The following C8orf34 variants were observed in gnomAD, a reference collection of about 807,000 sequenced individuals.
C8orf34 encodes chromosome 8 open reading frame 34.
C8orf34 carries 65 observed loss-of-function variants against 68.3 expected under a neutral mutation model. That is an observed-to-expected ratio of 0.95 (90% CI 0.78 to 1.17). C8orf34 has a LOEUF of 1.17. Ranked by LOEUF, C8orf34 falls within the 50% of genes most tolerant of loss-of-function variation. The probability of loss-of-function intolerance (pLI) is 0.00; values close to 1 mark genes in which losing one functional copy is unlikely to be tolerated. For missense variants in C8orf34, 664 were observed against 655.4 expected, an observed-to-expected ratio of 1.01 and a Z score of -0.14; for synonymous variants, 244 against 241.2, an observed-to-expected ratio of 1.01 and a Z score of -0.11.
At chr8:68,370,423 A>C (rs1807508865) in intron 1 of C8orf34, among the ~76,000 whole-genome samples, 6 of 152,200 alleles carry the variant, frequency 3.9e-5, no homozygotes, top group Admixed American at 3.9e-4. Context: ...AGCCAATCCC[A>C]GTGGCAACAT....
chr8:68,773,376 C>T (rs1823409141), intron 10 of C8orf34, among the ~76,000 whole-genome samples: 1 of 152,078 alleles, frequency 6.6e-6, no homozygotes, highest in East Asian at 1.9e-4. Flanking sequence ...GTATTTTCCT[C>T]CAAGAATCTT....
At chr8:68,541,382 C>A (rs967321015) in intron 7 of C8orf34, among the ~76,000 whole-genome samples, 1 of 151,806 alleles carries the variant, frequency 6.6e-6, no homozygotes, top group Non-Finnish European at 1.5e-5. Context: ...GAGAGGATCA[C>A]TTGAGCCCAG....
intron 8 of C8orf34, among the ~76,000 whole-genome samples, chr8:68,690,303 G>T (rs1372506858): frequency 6.6e-6 from 1 of 151,922 alleles, no homozygotes; most frequent in African/African-American, 2.4e-5. Flanking sequence ...GAATTTTTCA[G>T]CTGGACATCA....
intron 3 of C8orf34, among the ~76,000 whole-genome samples, chr8:68,454,542 A>G (rs952256882): frequency 6.6e-6 from 1 of 152,042 alleles, no homozygotes; most frequent in African/African-American, 2.4e-5. Context: ...TTGTTGGCAT[A>G]CAATTGTTTA....
At chr8:68,690,732 A>G (rs748763695) in intron 8 of C8orf34, among the ~76,000 whole-genome samples, 12 of 152,096 alleles carry the variant, frequency 7.9e-5, no homozygotes, top group Non-Finnish European at 1.8e-4. Flanking sequence ...CATTCAGACC[A>G]CAGCAAAATG....
intron 9 of C8orf34, among the ~76,000 whole-genome samples, chr8:68,714,322 A>G (rs908276761): frequency 1.3e-5 from 2 of 152,160 alleles, no homozygotes; most frequent in Non-Finnish European, 2.9e-5. Flanking sequence ...AAGGGCATCC[A>G]GAGGAAGTCA....
chr8:68,777,507 A>G (rs1823554613), intron 11 of C8orf34, among the ~76,000 whole-genome samples: 1 of 152,222 alleles, frequency 6.6e-6, no homozygotes, highest in African/African-American at 2.4e-5. Context: ...CTTTTCACTT[A>G]AAGTACTTAA....
chr8:68,678,897 A>G (rs1172963046), intron 8 of C8orf34, among the ~76,000 whole-genome samples: 1 of 151,964 alleles, frequency 6.6e-6, no homozygotes, highest in Non-Finnish European at 1.5e-5. Flanking sequence ...TGATAAACAA[A>G]GTCAGTAAAA....
intron 8 of C8orf34, among the ~76,000 whole-genome samples, chr8:68,668,517 T>C (rs1178935130): frequency 6.6e-6 from 1 of 152,090 alleles, no homozygotes; most frequent in East Asian, 1.9e-4. Flanking sequence ...AATGTGAGGC[T>C]CTGTTGTTTG....
chr8:68,594,172 C>T (rs1817476148), intron 7 of C8orf34, among the ~76,000 whole-genome samples: 1 of 151,976 alleles, frequency 6.6e-6, no homozygotes, highest in Admixed American at 6.6e-5. Flanking sequence ...ATCTAAAGTT[C>T]TATATAGCTG....
chr8:68,677,653 G>A (rs553494440), intron 8 of C8orf34, among the ~76,000 whole-genome samples: 1 of 152,076 alleles, frequency 6.6e-6, no homozygotes, highest in East Asian at 1.9e-4. Context: ...ACCATGCCTG[G>A]CCCTAACAAT....
chr8:68,607,856 C>A (rs977330261), intron 7 of C8orf34, among the ~76,000 whole-genome samples: 2 of 151,846 alleles, frequency 1.3e-5, no homozygotes, highest in Admixed American at 6.6e-5. Flanking sequence ...TATGTTTTGG[C>A]AAAGGTCATA....
chr8:68,566,932 T>C (rs1371853321), intron 7 of C8orf34, among the ~76,000 whole-genome samples: 3 of 152,238 alleles, frequency 2.0e-5, no homozygotes, highest in Non-Finnish European at 4.4e-5. Flanking sequence ...TGTATCACAC[T>C]TATTGACTTG....
chr8:68,468,754 G>A lies in C8orf34; in HGVS notation c.670G>A (p.Asp224Asn). 4 of 1,612,808 alleles carry A rather than the reference G, an allele frequency of 2.5e-6. No individual in the cohort carries two copies. Among genetic ancestry groups the A allele is most frequent in the Non-Finnish European group, 3.4e-6 (4 of 1,179,216 alleles). Reference sequence around the variant, plus strand: ...GACTAAACCACAAAGCCGTGATTTTGATGAATTGAATCACATCCTTCAGGA... The same window carrying A: ...GACTAAACCACAAAGCCGTGATTTTAATGAATTGAATCACATCCTTCAGGA... ...WRTKPQSRDFDELNHILQESK... is the reference protein window; with the variant it reads ...WRTKPQSRDFNELNHILQESK... The change falls in exon 4 of 14, where the codon GAT (aspartate) becomes AAT (asparagine). Residue 224 changes from aspartate (D) to asparagine (N), a missense_variant. By Grantham distance (23) the Asp-to-Asn change is conservative. Transcript: ENST00000518698.
In C8orf34 at chr8:68,782,481, T is replaced by C. The variant is rs1160869156; in HGVS notation, c.1456-4962T>C. 2.6e-5 allele frequency among the ~76,000 whole-genome samples: 4 copies of C among 150,950 alleles called. No homozygotes were observed. The Admixed American group carries it at 2.7e-4, about 10-fold the overall frequency. ...TCCCTGCAATAGGCCATCTAGTGCCTCTCACATTCTACTCTCTAAAGGAAT... is the reference window on the plus strand; with the variant it reads ...TCCCTGCAATAGGCCATCTAGTGCCCCTCACATTCTACTCTCTAAAGGAAT... On this transcript the variant is annotated intron_variant, in intron 11 of 13. Transcript: ENST00000518698.
At chr8:68,462,216 G>A (rs931343070) in intron 3 of C8orf34, among the ~76,000 whole-genome samples, 1 of 151,966 alleles carries the variant, frequency 6.6e-6, no homozygotes, top group African/African-American at 2.4e-5. Context: ...AATGGTAAAG[G>A]GATCAATTCA....
At chr8:68,377,181 C>G (rs1807838343) in intron 1 of C8orf34, among the ~76,000 whole-genome samples, 1 of 151,990 alleles carries the variant, frequency 6.6e-6, no homozygotes, top group South Asian at 2.1e-4. Flanking sequence ...CACTTGAACT[C>G]AGGAGTTCAA....
intron 1 of C8orf34, among the ~76,000 whole-genome samples, chr8:68,367,772 A>T (rs1807347800): frequency 7.2e-6 from 1 of 138,744 alleles, no homozygotes; most frequent in Non-Finnish European, 1.6e-5. Context: ...GGGGGGATGG[A>T]TAGCATTGGG....
At chr8:68,633,093 C>A (rs565593231) in intron 7 of C8orf34, among the ~76,000 whole-genome samples, 1 of 152,270 alleles carries the variant, frequency 6.6e-6, no homozygotes, top group South Asian at 2.1e-4. Context: ...GCCCTTGTAC[C>A]TACACAGCCC....
Sources: gnomAD v4.1 joint callset for allele counts (sites outside exome capture counted in the v4.1 genomes callset) on GRCh38, gnomAD v4.1.1 for gene constraint, MANE v1.5 for transcripts, NCBI Gene and HGNC (gene_info 2026-07-23, HGNC 2026-07-21) for gene names.